COL19A1: variants seen among roughly 807,000 people sequenced by gnomAD.
COL19A1 encodes collagen type XIX alpha 1 chain, also known as collagen alpha-1(XIX) chain.
In COL19A1, 159 loss-of-function variants were observed where a neutral mutation model predicts 190.2. The ratio of observed to expected loss-of-function variants is 0.84; its 90% CI spans 0.73 to 0.95. COL19A1 has a LOEUF of 0.95. Among genes scored for constraint, COL19A1 ranks in the 40% least tolerant of loss-of-function variants. The pLI is 0.00. For missense variants in COL19A1, 1,418 were observed against 1,431.9 expected (o/e 0.99, Z 0.16); for synonymous variants, 509 against 458.9 (o/e 1.11, Z -1.39).
chr6:70,084,487 A>G (rs913612069), intron 15 of COL19A1, among the ~76,000 whole-genome samples: 1 of 152,222 alleles, frequency 6.6e-6, no homozygotes, highest in Non-Finnish European at 1.5e-5. Context: ...GCCAGAATAC[A>G]ATAGAATATA....
intron 18 of COL19A1, among the ~76,000 whole-genome samples, chr6:70,136,682 A>G (rs1407221265): frequency 6.6e-6 from 1 of 152,172 alleles, no homozygotes; most frequent in Non-Finnish European, 1.5e-5. Context: ...CTGGGTGGAA[A>G]TAGGAAATAT....
chr6:70,111,676 C>T (rs762774978), intron 16 of COL19A1, among the ~76,000 whole-genome samples: 1 of 152,126 alleles, frequency 6.6e-6, no homozygotes, highest in Admixed American at 6.6e-5. Flanking sequence ...AATGGGGCCA[C>T]GTGTTTTAAA....
intron 9 of COL19A1, among the ~76,000 whole-genome samples, chr6:69,940,658 G>A (rs780544262): frequency 2.0e-5 from 3 of 152,038 alleles, no homozygotes; most frequent in Non-Finnish European, 4.4e-5. Flanking sequence ...TAGTGGCAAC[G>A]TAAAAACAGC....
Position 70,207,281 on chromosome 6 carries a change from C to T in COL19A1, c.*7C>T, listed in dbSNP as rs1767946070. 2 of 1,611,466 alleles carry T rather than the reference C, an allele frequency of 1.2e-6. No homozygotes were observed. The highest frequency in any genetic ancestry group is 1.7e-6 in the Non-Finnish European group (2 of 1,178,816). On this transcript the variant is annotated 3_prime_UTR_variant, in exon 51 of 51. Transcript: ENST00000620364. ...GCGCACAGGTGGGAATTGAACACAC[C>T]TGAAGAAGACTTGGTTCCTGGTAAC...
chr6:70,118,810 G>A (rs983496289), intron 16 of COL19A1, among the ~76,000 whole-genome samples: 3 of 139,938 alleles, frequency 2.1e-5, no homozygotes, highest in African/African-American at 8.3e-5. Context: ...ATTGTTTTTA[G>A]TGAGTTGTGC....
intron 9 of COL19A1, among the ~76,000 whole-genome samples, chr6:69,955,283 T>G (rs2150039123): frequency 6.6e-6 from 1 of 152,202 alleles, no homozygotes; most frequent in Non-Finnish European, 1.5e-5. Context: ...AGGAAGAAAC[T>G]TTTACCTCTC....
chr6:70,029,420 C>A (rs1041893715), intron 12 of COL19A1, among the ~76,000 whole-genome samples: 1 of 152,102 alleles, frequency 6.6e-6, no homozygotes, highest in Non-Finnish European at 1.5e-5. Context: ...GAATCAACTA[C>A]TGTGCTTTTG....
chr6:70,166,105 A>G, intron 37 of COL19A1, 120 bp downstream of exon 37: 1 of 892,920 alleles, frequency 1.1e-6, no homozygotes, highest in East Asian at 2.5e-5. Flanking sequence ...TTCGTGTATA[A>G]ATATAAATGA....
At chr6:70,051,945 C>A (rs1315384702) in intron 14 of COL19A1, among the ~76,000 whole-genome samples, 1 of 152,014 alleles carries the variant, frequency 6.6e-6, no homozygotes, top group African/African-American at 2.4e-5. Context: ...CAACCCTGTC[C>A]CCCAGGATTG....
At chr6:70,079,346 C>T (rs1176250068) in intron 15 of COL19A1, among the ~76,000 whole-genome samples, 1 of 152,104 alleles carries the variant, frequency 6.6e-6, no homozygotes, top group Admixed American at 6.5e-5. Context: ...CAATCAAAAG[C>T]CCCTTAAGAT....
intron 11 of COL19A1, among the ~76,000 whole-genome samples, chr6:70,021,613 C>T (rs1562093217): frequency 6.6e-6 from 1 of 152,048 alleles, no homozygotes; most frequent in Admixed American, 6.6e-5. Context: ...ATTTGTGAGC[C>T]TTTTAATTCT....
At chr6:70,082,168 A>C (rs1782295986) in intron 15 of COL19A1, among the ~76,000 whole-genome samples, 1 of 152,180 alleles carries the variant, frequency 6.6e-6, no homozygotes, top group African/African-American at 2.4e-5. Context: ...TTTCATTGAG[A>C]GGTTGTTTAA....
intron 14 of COL19A1, among the ~76,000 whole-genome samples, chr6:70,038,435 A>G (rs1026463608): frequency 6.6e-6 from 1 of 152,244 alleles, no homozygotes; most frequent in African/African-American, 2.4e-5. Flanking sequence ...ACTCAAAAAA[A>G]TTATATCAGA....
At chr6:69,938,014 A>G (rs1322747598) in intron 8 of COL19A1, 24 bp from the exon 9 acceptor site, 3 of 1,610,212 alleles carry the variant, frequency 1.9e-6, no homozygotes, top group Non-Finnish European at 2.5e-6. Context: ...ATGTTTGCTA[A>G]CACAGATATG....
In COL19A1 at chr6:70,184,742, T is replaced by C. The variant is rs764329543; in HGVS notation, c.2811+4T>C. 18 of 1,602,118 alleles carry C rather than the reference T, an allele frequency of 1.1e-5. No individual in the cohort carries two copies. Among genetic ancestry groups the C allele is most frequent in the East Asian group, 2.2e-5 (1 of 44,816 alleles). ...AGATGGAATACCAGGTGCTCAGGTA[T>C]GGGAAATATGATTTAAAATAAAAGT... On this transcript the variant is annotated splice_donor_region_variant and intron_variant, in intron 45 of 50. Transcript: ENST00000620364.
chr6:70,087,465 T>C (rs1782653501), intron 15 of COL19A1, among the ~76,000 whole-genome samples: 1 of 152,014 alleles, frequency 6.6e-6, no homozygotes, highest in Non-Finnish European at 1.5e-5. Context: ...CAAGGAACTT[T>C]AGGAGGTCGG....
At chr6:70,080,822 T>A (rs991410547) in intron 15 of COL19A1, among the ~76,000 whole-genome samples, 1 of 152,212 alleles carries the variant, frequency 6.6e-6, no homozygotes, top group South Asian at 2.1e-4. Flanking sequence ...GAGTCCTGCC[T>A]GTGTTTTATC....
At chr6:69,922,950 A>C (rs1772091867) in intron 4 of COL19A1, among the ~76,000 whole-genome samples, 1 of 152,164 alleles carries the variant, frequency 6.6e-6, no homozygotes, top group South Asian at 2.1e-4. Context: ...GCTTGCTTTC[A>C]AAGAGCTTTC....
rs187265387 is a variant in COL19A1 at position 70,052,380 on chromosome 6, G to C, written c.1171-16043G>C. On this transcript the variant is annotated intron_variant, in intron 14 of 50. Transcript: ENST00000620364. ...GATAAATAGAAATGCAAAAGACTCA[G>C]AGCATTGTTGCCAACAACCAGCTCT... is the stretch of plus-strand genomic sequence containing the variant. Among the ~76,000 whole-genome samples, 5 of 152,270 alleles carry C rather than the reference G, an allele frequency of 3.3e-5. No homozygotes were observed. The East Asian group carries it at 9.7e-4, about 29-fold the overall frequency.
Sources: gnomAD v4.1 joint callset for allele counts (sites outside exome capture counted in the v4.1 genomes callset) on GRCh38, gnomAD v4.1.1 for gene constraint, MANE v1.5 for transcripts, NCBI Gene and HGNC (gene_info 2026-07-23, HGNC 2026-07-21) for gene names.